ABCB4: variants seen among roughly 807,000 people sequenced by gnomAD.
The protein encoded by ABCB4 is ATP binding cassette subfamily B member 4.
ABCB4 carries 76 observed loss-of-function variants against 145.7 expected under a neutral mutation model. The ratio of observed to expected loss-of-function variants is 0.52; its 90% CI spans 0.43 to 0.63. ABCB4 has a LOEUF of 0.63. Ranked by LOEUF, ABCB4 falls within the 30% of genes least tolerant of loss-of-function variation. The pLI is 0.00. For synonymous variants in ABCB4, 517 were observed against 566.8 expected (o/e 0.91, Z 1.25); for missense variants, 1,234 against 1,553.1 (o/e 0.79, Z 3.45).
At chr7:87,469,743 T>G (rs938771510) in intron 3 of ABCB4, among the ~76,000 whole-genome samples, 6 of 152,074 alleles carry the variant, frequency 3.9e-5, no homozygotes, top group African/African-American at 9.7e-5. Flanking sequence ...GGAAGAACAT[T>G]CCATGCTCAT....
In ABCB4 at chr7:87,447,035, G is replaced by C. The variant is rs1562983085; in HGVS notation, c.1004C>G (p.Thr335Arg). 6.2e-7 allele frequency: 1 copy of C among 1,611,240 alleles called. No individual in the cohort carries two copies. The highest frequency in any genetic ancestry group is 1.3e-5 in the African/African-American group (1 of 74,850). Residue 335 changes from threonine to arginine, a missense_variant and splice_region_variant, in exon 9 of 28, where the codon ACA becomes AGA. Thr to Arg is a moderately conservative substitution (Grantham distance 71). Around this residue, in one of 7 missense-constraint regions of ABCB4, gnomAD observed 467 missense variants for 632.8 expected, o/e 0.74. Transcript: ENST00000649586. ...ATAAATGTTAGGAGAACTACTTACT[G>C]TCATTGCATTTCCAATAGTATATTC... ...SKEYTIGNAM[T>R]VFFSILIGAF...
Position 87,451,802 on chromosome 7 carries a change from A to T in ABCB4, c.537-8T>A. The T allele has an allele frequency of 6.2e-7, 1 of 1,614,084 alleles. No homozygotes were observed. Among genetic ancestry groups the T allele is most frequent in the Non-Finnish European group, 8.5e-7 (1 of 1,179,922 alleles). On this transcript the variant is annotated splice_polypyrimidine_tract_variant and splice_region_variant and intron_variant, in intron 6 of 27. Coordinates refer to ENST00000649586, the MANE Select transcript of ABCB4 (RefSeq NM_000443.4). ...CTGATTTTGGAGATGTCACTAAAAAAGATCACACCTAAGTGGTTACAGGCA... is the reference window on the plus strand; with the variant it reads ...CTGATTTTGGAGATGTCACTAAAAATGATCACACCTAAGTGGTTACAGGCA...
chr7:87,443,721 T>C lies in ABCB4; in HGVS notation c.1172A>G (p.Lys391Arg). 1.2e-6 allele frequency: 2 copies of C among 1,614,058 alleles called. No individual in the cohort carries two copies. Among genetic ancestry groups the C allele is most frequent in the South Asian group, 1.1e-5 (1 of 91,080 alleles). ...SERGHKPDSI[K>R]GNLEFNDVHF... ...AACATCATTGAACTCCAAATTCCCT[T>C]TGATGCTGTCTGGTTTGTGTCCTCT... Residue 391 changes from lysine to arginine, a missense_variant, in exon 11 of 28, where the codon AAA (lysine) becomes AGA (arginine). By Grantham distance (26) the Lys-to-Arg change is conservative. Coordinates refer to ENST00000649586, the MANE Select transcript of ABCB4 (RefSeq NM_000443.4).
intron 2 of ABCB4, among the ~76,000 whole-genome samples, chr7:87,475,041 T>C (rs558082148): frequency 4.6e-5 from 7 of 152,248 alleles, no homozygotes; most frequent in Admixed American, 4.6e-4. Context: ...AACAATCAGA[T>C]GATGTATATG....
intron 3 of ABCB4, among the ~76,000 whole-genome samples, chr7:87,471,311 A>G (rs1048752322): frequency 1.3e-5 from 2 of 152,138 alleles, no homozygotes; most frequent in Admixed American, 1.3e-4. Flanking sequence ...ACATGTATAC[A>G]TATGTAACAA....
At chr7:87,468,439 G>A (rs201266450) in intron 3 of ABCB4, among the ~76,000 whole-genome samples, 39,926 of 151,888 alleles carry the variant, frequency 0.26, 6,298 homozygotes, top group African/African-American at 0.45. Flanking sequence ...AATCACAGCC[G>A]AATTCTACCA....
chr7:87,386,840 C>T, the ABCB4 span, among the ~76,000 whole-genome samples: 68 of 152,150 alleles, frequency 4.5e-4, no homozygotes, highest in Non-Finnish European at 8.4e-4. Flanking sequence ...CTAACCCCAT[C>T]TCTACCCATT....
At chr7:87,446,931 A>G in intron 9 of ABCB4, 103 bp downstream of exon 9, 1 of 1,036,566 alleles carries the variant, frequency 9.6e-7, no homozygotes, top group Non-Finnish European at 1.4e-6. Flanking sequence ...AAAAACCTAT[A>G]ATCATGTTCA....
intron 12 of ABCB4, among the ~76,000 whole-genome samples, chr7:87,440,773 G>A (rs11768036): frequency 0.076 from 11,487 of 151,780 alleles, 435 homozygotes; most frequent in South Asian, 0.14. Flanking sequence ...ATGGAGTCTC[G>A]CTCTGTCGCC....
At chr7:87,369,621 T>G in the ABCB4 span, 1 of 29,730 alleles carries the variant, frequency 3.4e-5, no homozygotes, top group Non-Finnish European at 1.3e-4. Context: ...TAAAAAAAAA[T>G]CTATTTGTAT....
At chr7:87,375,992 T>G in the ABCB4 span, 1 of 1,525,830 alleles carries the variant, frequency 6.6e-7, no homozygotes, top group Non-Finnish European at 8.8e-7. Flanking sequence ...TATTGCAGAT[T>G]TTTCTGGAAG....
the ABCB4 span, chr7:87,369,454 G>A: frequency 1.2e-6 from 2 of 1,612,708 alleles, no homozygotes; most frequent in Non-Finnish European, 1.7e-6. Context: ...ATACATGAAG[G>A]ATGTTTGGTC....
intron 5 of ABCB4, among the ~76,000 whole-genome samples, chr7:87,454,187 G>T (rs1811958143): frequency 6.6e-6 from 1 of 152,182 alleles, no homozygotes; most frequent in Non-Finnish European, 1.5e-5. Flanking sequence ...AGGCTTTAGA[G>T]ATTTCTATTG....
intron 14 of ABCB4, among the ~76,000 whole-genome samples, chr7:87,434,265 C>T (rs1810456987): frequency 6.6e-6 from 1 of 151,380 alleles, no homozygotes; most frequent in Non-Finnish European, 1.5e-5. Flanking sequence ...TTTTCCTGTT[C>T]TTCTATGATA....
At chr7:87,391,470 C>T in the ABCB4 span, 2 of 911,532 alleles carry the variant, frequency 2.2e-6, no homozygotes, top group South Asian at 2.1e-5. Flanking sequence ...AAGTCTCCAA[C>T]CTATCTGTGT....
chr7:87,366,766 C>T, the ABCB4 span, among the ~76,000 whole-genome samples: 3,686 of 152,240 alleles, frequency 0.024, 146 homozygotes, highest in African/African-American at 0.085. Flanking sequence ...ACCTAAACAT[C>T]GTTTAAAATT....
rs1464765240 is a variant in ABCB4 at position 87,443,762 on chromosome 7, A to G, written c.1131T>C (p.Ile377=). ...TGTGTCCTCTCTCTGAAAAACTGTC[A>G]ATTTTAGGATTCTAAATAAAACAAA... ...IFDIIDNNPK[I]DSFSERGHKP... Residue 377 remains isoleucine (I), a synonymous_variant, in exon 11 of 28, where the codon ATT becomes ATC. Coordinates refer to ENST00000649586, the MANE Select transcript of ABCB4 (RefSeq NM_000443.4). 5 of 1,612,830 alleles carry G rather than the reference A, an allele frequency of 3.1e-6. No homozygotes were observed. Among genetic ancestry groups the G allele is most frequent in the Admixed American group, 3.3e-5 (2 of 60,004 alleles).
chr7:87,470,978 A>T (rs1459334997), intron 3 of ABCB4, among the ~76,000 whole-genome samples: 1 of 152,182 alleles, frequency 6.6e-6, no homozygotes, highest in Non-Finnish European at 1.5e-5. Flanking sequence ...CAAATGTCCA[A>T]CAATGATAGA....
At chr7:87,417,586 T>G (rs933070093) in intron 20 of ABCB4, 71 bp from the exon 21 acceptor site, 6 of 1,280,382 alleles carry the variant, frequency 4.7e-6, no homozygotes, top group East Asian at 2.4e-5. Flanking sequence ...CTTAGCCTCT[T>G]GGTCAGAATG....
Sources: gnomAD v4.1 joint callset for allele counts (sites outside exome capture counted in the v4.1 genomes callset) on GRCh38, gnomAD v4.1.1 for gene constraint, gnomAD v4.1.1 regional missense constraint, MANE v1.5 for transcripts, NCBI Gene and HGNC (gene_info 2026-07-23, HGNC 2026-07-21) for gene names.